The following DYNC1I1 variants were observed in gnomAD, a reference collection of about 807,000 sequenced individuals.
DYNC1I1 encodes dynein cytoplasmic 1 intermediate chain 1.
DYNC1I1 carries 43 observed loss-of-function variants against 86.6 expected under a neutral mutation model. The observed-to-expected ratio is 0.50, with a 90% CI of 0.39 to 0.64. The LOEUF is 0.64. Among genes scored for constraint, DYNC1I1 ranks in the 30% least tolerant of loss-of-function variants. DYNC1I1 has a pLI of 0.00. For missense variants in DYNC1I1, 604 were observed against 788.8 expected (o/e 0.77, Z 2.81); for synonymous variants, 262 against 283.7 (o/e 0.92, Z 0.77).
intron 6 of DYNC1I1, among the ~76,000 whole-genome samples, chr7:95,958,633 G>C (rs1339540593): frequency 6.6e-6 from 1 of 152,150 alleles, no homozygotes; most frequent in Non-Finnish European, 1.5e-5. Context: ...GCACCCACTT[G>C]TTTGAGACAC....
At chr7:96,005,451 G>T (rs1304997862) in intron 10 of DYNC1I1, among the ~76,000 whole-genome samples, 1 of 152,040 alleles carries the variant, frequency 6.6e-6, no homozygotes, top group Non-Finnish European at 1.5e-5. Context: ...CGCTCTTTGT[G>T]AACAGCGATG....
chr7:95,832,421 A>G (rs1193075944), intron 5 of DYNC1I1, among the ~76,000 whole-genome samples: 1 of 151,912 alleles, frequency 6.6e-6, no homozygotes, highest in African/African-American at 2.4e-5. Context: ...TAGTGCCGCA[A>G]TAAACATACG....
chr7:96,042,225 G>A (rs1371058116), intron 14 of DYNC1I1, among the ~76,000 whole-genome samples: 1 of 152,156 alleles, frequency 6.6e-6, no homozygotes, highest in Non-Finnish European at 1.5e-5. Flanking sequence ...TGAGAACTGA[G>A]ATTATCAGCT....
intron 1 of DYNC1I1, among the ~76,000 whole-genome samples, chr7:95,797,093 A>G (rs1323825738): frequency 1.3e-5 from 2 of 151,980 alleles, no homozygotes; most frequent in East Asian, 1.9e-4. Context: ...TTAAATGTCT[A>G]CTCTTGGGTA....
At chr7:95,991,028 TTAAAATAAAATAAAA>T (rs71292964) in intron 9 of DYNC1I1, among the ~76,000 whole-genome samples, 4 of 148,538 alleles carry the variant, frequency 2.7e-5, no homozygotes, top group African/African-American at 5.0e-5. Flanking sequence ...GACCCTGTCT[TTAAAATAAAATAAAA>T]TAAAATAAAA....
intron 16 of DYNC1I1, among the ~76,000 whole-genome samples, chr7:96,103,855 A>G (rs1038922329): frequency 1.3e-5 from 2 of 151,816 alleles, no homozygotes; most frequent in African/African-American, 4.8e-5. Context: ...CTCGTGATCC[A>G]CCCGCCTCAG....
intron 1 of DYNC1I1, among the ~76,000 whole-genome samples, chr7:95,780,294 C>A (rs373736377): frequency 6.6e-6 from 1 of 151,252 alleles, no homozygotes; most frequent in African/African-American, 2.4e-5. Context: ...CCTTTTGAGA[C>A]GGAGTCTCTG....
At chr7:95,946,352 A>G (rs1792400767) in intron 6 of DYNC1I1, among the ~76,000 whole-genome samples, 1 of 152,274 alleles carries the variant, frequency 6.6e-6, no homozygotes, top group Admixed American at 6.5e-5. Context: ...AGACAAAAAG[A>G]TGTTCTTTCT....
At chr7:95,799,157 T>C (rs112317761) in intron 1 of DYNC1I1, among the ~76,000 whole-genome samples, 14,405 of 152,054 alleles carry the variant, frequency 0.095, 861 homozygotes, top group Admixed American at 0.17. Context: ...GTAGGAGGAT[T>C]ACCTGAGGTC....
At chr7:96,080,214 G>GC (rs1406476206) in intron 15 of DYNC1I1, 149 bp from the exon 16 acceptor site, 1 of 965,582 alleles carries the variant, frequency 1.0e-6, no homozygotes. Flanking sequence ...AGAACAATGA[G>GC]CCCTTTTTCC....
intron 11 of DYNC1I1, among the ~76,000 whole-genome samples, 182 bp downstream of exon 11, chr7:96,028,503 G>C (rs368049969): frequency 6.6e-6 from 1 of 152,182 alleles, no homozygotes; most frequent in Non-Finnish European, 1.5e-5. Context: ...TGGCTTTAGG[G>C]ATGTCTCTTA....
At chr7:95,944,929 C>G (rs927037739) in intron 6 of DYNC1I1, among the ~76,000 whole-genome samples, 1 of 150,890 alleles carries the variant, frequency 6.6e-6, no homozygotes, top group Non-Finnish European at 1.5e-5. Context: ...TGCTAAATGA[C>G]GAGTTAATGG....
At position 95,895,687 on chromosome 7, in the gene DYNC1I1, A is replaced by G. The variant is rs527951811; in HGVS notation, c.490+25689A>G. Among the ~76,000 whole-genome samples the G allele has an allele frequency of 7.2e-5, 11 of 152,360 alleles. No homozygotes were observed. The East Asian group carries it at 1.7e-3, about 24-fold the overall frequency. ...TCTAACATCATTTCCATTGTCTAAA[A>G]TAAATATAAAATAAACAGCAAGTAA... On this transcript the variant is annotated intron_variant, in intron 6 of 16. Transcript: ENST00000447467.
At chr7:96,065,596 C>T (rs891986174) in intron 14 of DYNC1I1, among the ~76,000 whole-genome samples, 4 of 152,084 alleles carry the variant, frequency 2.6e-5, no homozygotes, top group Admixed American at 6.5e-5. Flanking sequence ...CCATGTTGCC[C>T]AGGCTGGTCT....
intron 5 of DYNC1I1, among the ~76,000 whole-genome samples, chr7:95,829,344 C>T (rs1018968742): frequency 6.6e-6 from 1 of 152,076 alleles, no homozygotes; most frequent in African/African-American, 2.4e-5. Flanking sequence ...ATTTAGGTAA[C>T]CGATGCACTA....
chr7:96,078,923 AT>A (rs1259481183), intron 15 of DYNC1I1, among the ~76,000 whole-genome samples: 1 of 152,152 alleles, frequency 6.6e-6, no homozygotes, highest in African/African-American at 2.4e-5. Flanking sequence ...CCTCTGAAAG[AT>A]TTGGTTAAAA....
chr7:96,079,180 C>T (rs963930377), intron 15 of DYNC1I1, among the ~76,000 whole-genome samples: 8 of 152,128 alleles, frequency 5.3e-5, no homozygotes, highest in African/African-American at 1.9e-4. Context: ...TCAATAATTT[C>T]GTATAAACAG....
intron 6 of DYNC1I1, among the ~76,000 whole-genome samples, chr7:95,961,479 C>T (rs1184801098): frequency 6.6e-6 from 1 of 152,200 alleles, no homozygotes; most frequent in Non-Finnish European, 1.5e-5. Context: ...CCTTCCATCT[C>T]ATGACAATAA....
chr7:95,990,772 G>A (rs544718778), intron 9 of DYNC1I1, among the ~76,000 whole-genome samples: 1 of 152,262 alleles, frequency 6.6e-6, no homozygotes, highest in South Asian at 2.1e-4. Flanking sequence ...GCTCACACCT[G>A]TAATCCCAAC....
Sources: gnomAD v4.1 joint callset for allele counts (sites outside exome capture counted in the v4.1 genomes callset) on GRCh38, gnomAD v4.1.1 for gene constraint, MANE v1.5 for transcripts, NCBI Gene and HGNC (gene_info 2026-07-23, HGNC 2026-07-21) for gene names.